The following ESRRG variants were observed in gnomAD, a reference collection of about 807,000 sequenced individuals.
ESRRG encodes the protein estrogen related receptor gamma, also known as estrogen-related receptor gamma.
ESRRG carries 13 observed loss-of-function variants against 44.0 expected under a neutral mutation model. The ratio of observed to expected loss-of-function variants is 0.30; its 90% CI spans 0.19 to 0.47. The LOEUF (loss-of-function observed/expected upper bound fraction) is 0.47, where lower values mean the gene tolerates loss of function less well. Ranked by LOEUF, ESRRG falls within the 20% of genes least tolerant of loss-of-function variation. The probability of loss-of-function intolerance (pLI) is 1.00; values close to 1 mark genes in which losing one functional copy is unlikely to be tolerated. For missense variants in ESRRG, 395 were observed against 580.6 expected (o/e 0.68, Z 3.29); for synonymous variants, 215 against 214.6 (o/e 1.00, Z -0.02).
At chr1:217,083,715 C>A (rs2091911324) in intron 1 of ESRRG, among the ~76,000 whole-genome samples, 1 of 152,132 alleles carries the variant, frequency 6.6e-6, no homozygotes, top group African/African-American at 2.4e-5. Flanking sequence ...AATTCTGCAA[C>A]CTTAGGAAAA....
At chr1:217,025,635 T>C (rs150010132) in intron 1 of ESRRG, among the ~76,000 whole-genome samples, 336 of 152,332 alleles carry the variant, frequency 2.2e-3, no homozygotes, top group African/African-American at 7.7e-3. Context: ...GCATAATCTC[T>C]GTAAGCCTGG....
chr1:216,613,105 G>A (rs1248054525), intron 3 of ESRRG, among the ~76,000 whole-genome samples: 1 of 152,186 alleles, frequency 6.6e-6, no homozygotes, highest in Non-Finnish European at 1.5e-5. Flanking sequence ...CAGACTAGGG[G>A]AAGTTTTTTG....
chr1:217,038,520 G>A (rs1465226185), intron 1 of ESRRG, among the ~76,000 whole-genome samples: 1 of 152,204 alleles, frequency 6.6e-6, no homozygotes, highest in Non-Finnish European at 1.5e-5. Flanking sequence ...ACCTGCCAAG[G>A]TTTGGGGTTT....
intron 2 of ESRRG, among the ~76,000 whole-genome samples, chr1:216,918,385 G>A (rs148243288): frequency 2.1e-4 from 32 of 152,224 alleles, no homozygotes; most frequent in Non-Finnish European, 3.4e-4. Context: ...ATCTGATTCT[G>A]CCTCAACTCT....
intron 1 of ESRRG, among the ~76,000 whole-genome samples, chr1:217,069,336 C>T (rs545907775): frequency 7.9e-5 from 12 of 151,830 alleles, no homozygotes; most frequent in African/African-American, 2.9e-4. Flanking sequence ...TATTGCGGGA[C>T]CTTGTGATCA....
chr1:216,986,856 G>T (rs1560373914), intron 1 of ESRRG, among the ~76,000 whole-genome samples: 1 of 152,176 alleles, frequency 6.6e-6, no homozygotes, highest in South Asian at 2.1e-4. Context: ...CCAAAAATTC[G>T]ACAACAATCC....
At chr1:216,788,419 G>C (rs559309796) in intron 2 of ESRRG, among the ~76,000 whole-genome samples, 1 of 152,214 alleles carries the variant, frequency 6.6e-6, no homozygotes, top group Admixed American at 6.5e-5. Context: ...CAACAACAAA[G>C]CCTGGATGAT....
At chr1:216,841,401 C>T (rs1271776377) in intron 2 of ESRRG, among the ~76,000 whole-genome samples, 4 of 152,116 alleles carry the variant, frequency 2.6e-5, no homozygotes, top group Non-Finnish European at 5.9e-5. Context: ...ATCTGGTCAG[C>T]ATCAGTTTGT....
rs1369099726 is a variant in ESRRG, at chr1:216,650,994, T to G, written c.568A>C (p.Lys190Gln). ...TTACCTTCTTTCAGCATGCCCACTT[T>G]TAAACACTTCATGAAGCGGCAAGCC... is the stretch of plus-strand genomic sequence containing the variant. Reference protein sequence around the residue: ...CQACRFMKCLKVGMLKEGVRL... With the variant: ...CQACRFMKCLQVGMLKEGVRL... The change falls in exon 3 of 7, where the codon AAA (lysine) becomes CAA (glutamine). Residue 190 changes from lysine (K) to glutamine (Q), a missense_variant. Physicochemically the swap from Lys to Gln is moderately conservative, Grantham distance 53. Coordinates refer to ENST00000408911, the MANE Select transcript of ESRRG (RefSeq NM_001438.4). 1 of 1,611,690 alleles carries G rather than the reference T, an allele frequency of 6.2e-7. No individual in the cohort carries two copies. Among genetic ancestry groups the G allele is most frequent in the Non-Finnish European group, 8.5e-7 (1 of 1,177,820 alleles).
chr1:216,871,259 T>A, intron 2 of ESRRG, among the ~76,000 whole-genome samples: 1 of 151,944 alleles, frequency 6.6e-6, no homozygotes, highest in Middle Eastern at 3.4e-3. Flanking sequence ...TTTAGAAATG[T>A]GTTGTCAAAT....
At chr1:216,727,598 C>G (rs2152108415), upstream of ESRRG, among the ~76,000 whole-genome samples, 1 of 152,152 alleles carries the variant, frequency 6.6e-6, no homozygotes, top group East Asian at 1.9e-4. Context: ...ACTATATTAC[C>G]ACCAGCCCTC....
At chr1:216,991,863 G>A (rs1356961030) in intron 1 of ESRRG, among the ~76,000 whole-genome samples, 1 of 152,162 alleles carries the variant, frequency 6.6e-6, no homozygotes, top group East Asian at 1.9e-4. Context: ...ATTTCCAGGC[G>A]TGTTTTATTT....
At chr1:217,104,029 G>C (rs907932792) in intron 1 of ESRRG, among the ~76,000 whole-genome samples, 8 of 152,166 alleles carry the variant, frequency 5.3e-5, no homozygotes, top group Admixed American at 6.5e-5. Context: ...TCTGATCCTT[G>C]ATAACACATA....
At chr1:216,865,412 A>G (rs2096137495) in intron 2 of ESRRG, among the ~76,000 whole-genome samples, 1 of 151,986 alleles carries the variant, frequency 6.6e-6, no homozygotes, top group East Asian at 1.9e-4. Context: ...ACCATCCTTG[A>G]CAACTGTCCA....
chr1:216,897,867 C>A (rs911734026), intron 2 of ESRRG, among the ~76,000 whole-genome samples: 3 of 152,002 alleles, frequency 2.0e-5, no homozygotes, highest in Non-Finnish European at 4.4e-5. Flanking sequence ...ATTGGTGTAC[C>A]CAGATGGGCA....
chr1:216,834,469 T>C (rs920976726), intron 2 of ESRRG, among the ~76,000 whole-genome samples: 4 of 152,154 alleles, frequency 2.6e-5, no homozygotes, highest in Admixed American at 2.6e-4. Context: ...AAAGGACAAA[T>C]AAAGAAAAGT....
chr1:217,132,406 G>A (rs371990688), intron 1 of ESRRG, among the ~76,000 whole-genome samples: 6 of 152,190 alleles, frequency 3.9e-5, no homozygotes, highest in African/African-American at 9.7e-5. Flanking sequence ...TGCTGGTAGA[G>A]AAGGAAGGAC....
At chr1:217,040,349 CA>C (rs1211593895) in intron 1 of ESRRG, among the ~76,000 whole-genome samples, 1 of 152,146 alleles carries the variant, frequency 6.6e-6, no homozygotes, top group African/African-American at 2.4e-5. Context: ...TCCCTGTCTA[CA>C]GTCCAATGAA....
At chr1:216,628,835 C>T (rs1367336839) in intron 3 of ESRRG, among the ~76,000 whole-genome samples, 2 of 152,314 alleles carry the variant, frequency 1.3e-5, no homozygotes, top group African/African-American at 2.4e-5. Flanking sequence ...ATTATCAAGT[C>T]CCTGACTCCA....
Sources: allele counts gnomAD v4.1 joint callset (sites outside exome capture counted in the v4.1 genomes callset), GRCh38; gene constraint gnomAD v4.1.1; transcripts MANE v1.5; gene names NCBI Gene and HGNC (gene_info 2026-07-23, HGNC 2026-07-21).